The following NAT1 variants were observed in gnomAD, a reference collection of about 807,000 sequenced individuals.
The protein encoded by NAT1 is arylamine N-acetyltransferase 1.
For missense variants in NAT1, 400 were observed against 339.2 expected (o/e 1.18, Z -1.41); for synonymous variants, 144 against 122.6 (o/e 1.17, Z -1.16).
intron 2 of NAT1, among the ~76,000 whole-genome samples, chr8:18,174,329 C>T (rs1429591545): frequency 2.6e-5 from 4 of 152,130 alleles, no homozygotes; most frequent in African/African-American, 9.7e-5. Flanking sequence ...CCTGCCCTTG[C>T]TAATGAAGAT....
At chr8:18,186,492 A>G (rs930073455) in intron 2 of NAT1, among the ~76,000 whole-genome samples, 2 of 152,046 alleles carry the variant, frequency 1.3e-5, no homozygotes, top group African/African-American at 4.8e-5. Flanking sequence ...ATCGCTACAC[A>G]TATGTAAGTA....
At chr8:18,178,775 G>A (rs1383457995) in intron 2 of NAT1, among the ~76,000 whole-genome samples, 1 of 152,130 alleles carries the variant, frequency 6.6e-6, no homozygotes, top group East Asian at 1.9e-4. Context: ...TGAGTGTTAG[G>A]AGAAGGAATG....
rs752817338 is a variant in NAT1 at position 18,204,033 on chromosome 8, C to T, written n.93-5748C>T. On this transcript the variant is annotated intron_variant and non_coding_transcript_variant, in intron 2 of 4. Transcript: ENST00000517441. ...AATTAGGGTGGGGCAACCAGCCTTC[C>T]GCACGCACTATGTAGACGTCATACC... Among the ~76,000 whole-genome samples, 4 of 152,136 alleles carry T rather than the reference C, an allele frequency of 2.6e-5. No homozygotes were observed. The South Asian group carries it at 6.2e-4, about 24-fold the overall frequency.
Position 18,219,309 on chromosome 8 carries a change from G to C in NAT1, c.-85-102G>C. ...GTGCAGTCCATTCCCTCTGTTTTGT[G>C]ATTTTTAGGAAATCTTCATAATTTA... On this transcript the variant is annotated intron_variant, in intron 1 of 2. Coordinates refer to ENST00000307719, the MANE Select transcript of NAT1 (RefSeq NM_000662.8). 17 of 785,552 alleles carry C rather than the reference G, an allele frequency of 2.2e-5. No individual in the cohort carries two copies. The South Asian group carries it at 3.0e-4, about 14-fold the overall frequency. The allele number at this position is 785,552 out of a possible 1,614,324, so 48.7% of individuals were successfully genotyped here.
chr8:18,192,705 T>C lies in NAT1; in HGVS notation n.93-17076T>C, dbSNP rs1476188084. ...GTCCTTTGTAGGGACATGGATGAAA[T>C]TGGAAATCATCATTCTCAGTAAACT... On this transcript the variant is annotated intron_variant and non_coding_transcript_variant, in intron 2 of 4. Transcript: ENST00000517441. Among the ~76,000 whole-genome samples the C allele has an allele frequency of 4.0e-5, 6 of 151,730 alleles. No individual in the cohort carries two copies. The East Asian group carries it at 7.8e-4, about 20-fold the overall frequency.
chr8:18,172,323 A>T (rs1378134775), intron 2 of NAT1, among the ~76,000 whole-genome samples: 1 of 152,160 alleles, frequency 6.6e-6, no homozygotes, highest in African/African-American at 2.4e-5. Context: ...CCGACATGCC[A>T]CTTTCCTCAA....
At chr8:18,172,444 G>T (rs1369120089) in intron 2 of NAT1, among the ~76,000 whole-genome samples, 1 of 152,106 alleles carries the variant, frequency 6.6e-6, no homozygotes, top group East Asian at 1.9e-4. Flanking sequence ...CTCCATCCCT[G>T]TCCACCATAT....
At chr8:18,217,751 A>G (rs975934720) in intron 1 of NAT1, among the ~76,000 whole-genome samples, 45 of 152,166 alleles carry the variant, frequency 3.0e-4, no homozygotes, top group African/African-American at 9.7e-4. Flanking sequence ...CCTGGGTATT[A>G]CAATATTGTT....
intron 2 of NAT1, among the ~76,000 whole-genome samples, chr8:18,178,110 A>G (rs1235125976): frequency 6.6e-6 from 1 of 152,146 alleles, no homozygotes; most frequent in Non-Finnish European, 1.5e-5. Flanking sequence ...GAGATGGGAA[A>G]TGGCAAGTGC....
At chr8:18,219,378 T>C in intron 1 of NAT1, 33 bp from the exon 2 acceptor site, 1 of 1,392,986 alleles carries the variant, frequency 7.2e-7, no homozygotes, top group Non-Finnish European at 9.8e-7. Context: ...AGTCATGTTA[T>C]ATATTTCTGA....
chr8:18,209,532 C>A (rs932303235), upstream of NAT1, among the ~76,000 whole-genome samples: 1 of 152,062 alleles, frequency 6.6e-6, no homozygotes, highest in African/African-American at 2.4e-5. Context: ...AGATCAATAC[C>A]ATGAATGTAA....
intron 2 of NAT1, among the ~76,000 whole-genome samples, chr8:18,202,438 T>C (rs558162218): frequency 2.0e-5 from 3 of 152,352 alleles, no homozygotes; most frequent in East Asian, 3.9e-4. Context: ...TTATTCCTTC[T>C]GGTAGGTTCT....
chr8:18,203,828 T>TC (rs1173177141), intron 2 of NAT1, among the ~76,000 whole-genome samples: 1 of 152,088 alleles, frequency 6.6e-6, no homozygotes, highest in African/African-American at 2.4e-5. Context: ...CAGCCCCAAA[T>TC]CGTTTTCTAA....
rs1802569591 is a variant in NAT1, at chr8:18,182,723, A to G, written n.92+11984A>G. 1.3e-5 allele frequency among the ~76,000 whole-genome samples: 2 copies of G among 152,032 alleles called. 1 individual carries two copies. Among genetic ancestry groups the G allele is most frequent in the South Asian group, 4.1e-4 (2 of 4,824 alleles). ...CTCTAAGACTGTCTCACTATTTTTG[A>G]CTATTTGCATTTTAATATTCATGTT... On this transcript the variant is annotated intron_variant and non_coding_transcript_variant, in intron 2 of 4. Coordinates refer to the NAT1 transcript ENST00000517441.
chr8:18,199,338 A>AT (rs1421292812), intron 2 of NAT1, among the ~76,000 whole-genome samples: 31 of 148,744 alleles, frequency 2.1e-4, no homozygotes, highest in African/African-American at 6.5e-4. Flanking sequence ...AAAAAAAAAA[A>AT]TTTTTTTGTT....
intron 2 of NAT1, among the ~76,000 whole-genome samples, chr8:18,176,170 T>C (rs142271411): frequency 0.021 from 3,144 of 152,238 alleles, 46 homozygotes; most frequent in South Asian, 0.071. Context: ...CTGTTACTTC[T>C]GTTAATTGTT....
At chr8:18,175,204 TTTTTGGTGTGA>T (rs1359409052) in intron 2 of NAT1, among the ~76,000 whole-genome samples, 1 of 152,100 alleles carries the variant, frequency 6.6e-6, no homozygotes, top group African/African-American at 2.4e-5. Context: ...TATTGCTTTT[TTTTTGGTGTGA>T]TGAGAATGTT....
chr8:18,210,465 T>C (rs967435269), intron 1 of NAT1, among the ~76,000 whole-genome samples: 4 of 152,192 alleles, frequency 2.6e-5, no homozygotes, highest in Admixed American at 6.5e-5. Flanking sequence ...TCTTTTTCAG[T>C]AAAATGGAGC....
In NAT1 at chr8:18,199,367, C is replaced by T. The variant is rs754590418; in HGVS notation, n.93-10414C>T. Among the ~76,000 whole-genome samples, 33 of 150,712 alleles carry T rather than the reference C, an allele frequency of 2.2e-4. 1 individual carries two copies. Among genetic ancestry groups the T allele is most frequent in the Middle Eastern group, 3.5e-3 (1 of 284 alleles). The stretch of plus-strand genomic sequence containing the variant: ...TTTTGTTTGGCGCCTTTCTTGTTGG[C>T]GTGATTTTTGCCTCTGTAACTTGTT... On this transcript the variant is annotated intron_variant and non_coding_transcript_variant, in intron 2 of 4. Transcript: ENST00000517441.
Sources: allele counts gnomAD v4.1 joint callset (sites outside exome capture counted in the v4.1 genomes callset), GRCh38; gene constraint gnomAD v4.1.1; transcripts MANE v1.5; gene names NCBI Gene and HGNC (gene_info 2026-07-23, HGNC 2026-07-21).